Variants in SPSB3 observed in about 807,000 individuals in gnomAD.
SPSB3 encodes the protein SPRY domain-containing SOCS box protein 3.
Under a neutral mutation model 29.5 loss-of-function variants are expected in SPSB3, and 18 were observed. That is an observed-to-expected ratio of 0.61 (90% CI 0.42 to 0.91). SPSB3 has a LOEUF of 0.91. Ranked by LOEUF, SPSB3 falls within the 40% of genes least tolerant of loss-of-function variation. SPSB3 has a pLI of 0.00. For missense variants in SPSB3, 540 were observed against 507.5 expected, an observed-to-expected ratio of 1.06 and a Z score of -0.61; for synonymous variants, 299 against 214.1, an observed-to-expected ratio of 1.40 and a Z score of -3.46.
Position 1,777,668 on chromosome 16 carries a change from T to A in SPSB3, c.721+79A>T. The A allele has an allele frequency of 2.5e-6, 4 of 1,575,382 alleles. No homozygotes were observed. In the South Asian group the frequency reaches 4.6e-5, roughly 18 times the overall value. On this transcript the variant is annotated intron_variant, in intron 6 of 6. Transcript: ENST00000566339. ...GAGGAACCCTTTCAGAAAACCTCAG[T>A]GTCCCCTGGGCTGGGGCGGGGTGGC...
Position 1,777,427 on chromosome 16 carries a change from C to G in SPSB3, c.738G>C (p.Lys246Asn). ...TCGGGTAGAATCTCTTGTTCTGCAG[C>G]TTGGTGGCTGCCACACCTGGAAGGG... is the stretch of plus-strand genomic sequence containing the variant. ...NRKCIGVAATKLQNKRFYPMV... is the reference protein window; with the variant it reads ...NRKCIGVAATNLQNKRFYPMV... Residue 246 changes from lysine to asparagine, a missense_variant, in exon 7 of 7, where the codon AAG becomes AAC. Lys to Asn is a moderately conservative substitution (Grantham distance 94). Transcript: ENST00000566339. 3.3e-6 allele frequency: 5 copies of G among 1,531,414 alleles called. No individual in the cohort carries two copies. The highest frequency in any genetic ancestry group is 4.4e-6 in the Non-Finnish European group (5 of 1,141,270). The allele number at this position is 1,531,414 out of a possible 1,614,324, so 94.9% of individuals were successfully genotyped here.
At position 1,778,852 on chromosome 16, in the gene SPSB3, G is replaced by A. The variant is rs188080756; in HGVS notation, c.127-240C>T. ...GGCCCAGCCACAGAGCAGTAGCCAA[G>A]GCTGCCTGGCCTCCAAGTGGTTTCT... On this transcript the variant is annotated intron_variant, in intron 2 of 6. Coordinates refer to ENST00000566339, the MANE Select transcript of SPSB3 (RefSeq NM_080861.4). The A allele has an allele frequency of 8.8e-4, 380 of 433,398 alleles. 6 individuals carry two copies. In the East Asian group the frequency reaches 0.013, roughly 15 times the overall value. The allele number at this position is 433,398 out of a possible 1,614,324, so 26.8% of individuals were successfully genotyped here. A position where few individuals can be genotyped will look rare whatever the true frequency, so the allele number is the denominator to read the frequency against.
chr16:1,778,080 G>C, intron 4 of SPSB3, 32 bp from the exon 5 acceptor site: 2 of 1,613,024 alleles, frequency 1.2e-6, no homozygotes, highest in Non-Finnish European at 1.7e-6. Flanking sequence ...AGGGCGCGGG[G>C]CTGGGCTGCC....
chr16:1,777,613 C>T, intron 6 of SPSB3, 134 bp downstream of exon 6: 1 of 1,456,022 alleles, frequency 6.9e-7, no homozygotes, highest in Non-Finnish European at 9.2e-7. Context: ...CTGTCCCACC[C>T]CCTGGGACCC....
At chr16:1,777,522 A>G (rs1246460630) in intron 6 of SPSB3, 79 bp from the exon 7 acceptor site, 85 of 1,403,070 alleles carry the variant, frequency 6.1e-5, no homozygotes, top group African/African-American at 7.2e-5. Flanking sequence ...ACCTCACGCT[A>G]CAGTCACCCG....
rs762079810 is a variant in SPSB3, at chr16:1,778,123, A to T, written c.492+11T>A. ...GGTTCCCCAGAAGCACCCTGGGCCG[A>T]AGCAACTTACCATGTCGGTGCCGTA... On this transcript the variant is annotated intron_variant, in intron 4 of 6. Transcript: ENST00000566339. 1.9e-5 allele frequency: 30 copies of T among 1,612,664 alleles called. No homozygotes were observed. Among genetic ancestry groups the T allele is most frequent in the Non-Finnish European group, 2.5e-5 (30 of 1,179,768 alleles).
chr16:1,777,614 C>G (rs1019934145), intron 6 of SPSB3, 133 bp downstream of exon 6: 2 of 1,465,292 alleles, frequency 1.4e-6, no homozygotes, highest in Non-Finnish European at 1.8e-6. Flanking sequence ...TGTCCCACCC[C>G]CTGGGACCCT....
In SPSB3 at chr16:1,781,552, G is replaced by C. The variant is rs1896713573; in HGVS notation, c.-12-57C>G. 5.1e-6 allele frequency: 8 copies of C among 1,561,810 alleles called. No individual in the cohort carries two copies. The South Asian group carries it at 7.1e-5, about 14-fold the overall frequency. ...AGACTCACAGCACTCCCAGCCCTGA[G>C]CTTCCAGGCTGGGCCACGGACCCAC... On this transcript the variant is annotated intron_variant, in intron 1 of 6. Transcript: ENST00000566339.
In SPSB3 at chr16:1,777,144, T is replaced by G. The variant is rs556287767; in HGVS notation, c.1021A>C (p.Ser341Arg). 846 of 1,611,762 alleles carry G rather than the reference T, an allele frequency of 5.2e-4. 13 individuals are homozygous for G. In the South Asian group the frequency reaches 8.8e-3, roughly 17 times the overall value. ...CTCTGGCAGGGCCGAGGCTCGCGAC[T>G]GCTGGGGTGGGCGGAGGTCGCTGCC... The part of the protein sequence containing the change: ...PQAATSAHPS[S>R]REPRPCQRKR... Residue 341 changes from serine (S) to arginine (R), a missense_variant, in exon 7 of 7, where the codon AGT becomes CGT. Physicochemically the swap from Ser to Arg is moderately radical, Grantham distance 110. Transcript: ENST00000566339.
Position 1,776,826 on chromosome 16 carries a change from C to G in SPSB3, c.*271G>C, listed in dbSNP as rs2042720079. 1.9e-6 allele frequency: 1 copy of G among 525,228 alleles called. No homozygotes were observed. The highest frequency in any genetic ancestry group is 2.7e-5 in the South Asian group (1 of 37,574). The allele number at this position is 525,228 out of a possible 1,614,324, so 32.5% of individuals were successfully genotyped here. Reference sequence around the variant, plus strand: ...AAAAACCGAGGCCCTGTGGGAACAGCAACGCGGGCTCCAGCCAGGCTCTCG... The same window carrying G: ...AAAAACCGAGGCCCTGTGGGAACAGGAACGCGGGCTCCAGCCAGGCTCTCG... On this transcript the variant is annotated 3_prime_UTR_variant, in exon 7 of 7. Coordinates refer to ENST00000566339, the MANE Select transcript of SPSB3 (RefSeq NM_080861.4).
chr16:1,778,944 G>C (rs1171549389), intron 2 of SPSB3: 2 of 234,254 alleles, frequency 8.5e-6, no homozygotes, highest in Non-Finnish European at 1.6e-5. Flanking sequence ...CACCTTCCCT[G>C]CTAGGCCAGC....
Position 1,777,867 on chromosome 16 carries a change from G to A in SPSB3, c.601C>T (p.Leu201Phe), listed in dbSNP as rs1278598113. ...CTGGTCTTGTCGCCCTTGTGGTGGA[G>A]GAGGCCTGGGGGCAGCCAGGGTCGC... ...DSWGLSYTGL[L>F]HHKGDKTSFS... Residue 201 changes from leucine (L) to phenylalanine (F), a missense_variant, in exon 6 of 7, where the codon CTC becomes TTC. Transcript: ENST00000566339. The A allele has an allele frequency of 1.2e-6, 2 of 1,612,436 alleles. No individual in the cohort carries two copies. The highest frequency in any genetic ancestry group is 2.2e-5 in the East Asian group (1 of 44,870).
In SPSB3 at chr16:1,777,739, G is replaced by T; in HGVS notation, c.721+8C>A. Reference sequence around the variant, plus strand: ...CTGAGAGGAGCTCAAGTCCTGTGACGGCCTCACCTATACACTTCCTGTTCT... The same window carrying T: ...CTGAGAGGAGCTCAAGTCCTGTGACTGCCTCACCTATACACTTCCTGTTCT... On this transcript the variant is annotated splice_region_variant and intron_variant, in intron 6 of 6. Coordinates refer to ENST00000566339, the MANE Select transcript of SPSB3 (RefSeq NM_080861.4). 1.2e-6 allele frequency: 2 copies of T among 1,611,442 alleles called. No homozygotes were observed. Among genetic ancestry groups the T allele is most frequent in the Non-Finnish European group, 1.7e-6 (2 of 1,179,484 alleles).
At chr16:1,781,530 C>G (rs763757525) in intron 1 of SPSB3, 35 bp from the exon 2 acceptor site, 1 of 1,596,640 alleles carries the variant, frequency 6.3e-7, no homozygotes, top group East Asian at 2.2e-5. Flanking sequence ...CAAAGGAAGA[C>G]TCACAGCACT....
chr16:1,781,427 G>A lies in SPSB3; in HGVS notation c.57C>T (p.Arg19=), dbSNP rs769312290. Residue 19 remains arginine (R), a synonymous_variant, in exon 2 of 7, where the codon CGC becomes CGT. Coordinates refer to ENST00000566339, the MANE Select transcript of SPSB3 (RefSeq NM_080861.4). ...CCACGGCCCGGGCATCTGCGTCTCG[G>A]CGGGCTGCACTCAGGACGAAGTGCC... ...RAWHFVLSAA[R]RDADARAVAL... 1 of 1,612,838 alleles carries A rather than the reference G, an allele frequency of 6.2e-7. No homozygotes were observed. The highest frequency in any genetic ancestry group is 8.5e-7 in the Non-Finnish European group (1 of 1,180,018).
chr16:1,779,767 G>C (rs1052377171), intron 2 of SPSB3: 1 of 152,354 alleles, frequency 6.6e-6, no homozygotes, highest in African/African-American at 2.4e-5. Flanking sequence ...TGGTGACACA[G>C]GACAAGCAGC....
At position 1,777,804 on chromosome 16, in the gene SPSB3, C is replaced by T. The variant is rs746457122; in HGVS notation, c.664G>A (p.Val222Met). 21 of 1,612,798 alleles carry T rather than the reference C, an allele frequency of 1.3e-5. No homozygotes were observed. Among genetic ancestry groups the T allele is most frequent in the African/African-American group, 5.3e-5 (4 of 74,910 alleles). ...SRFGQGSIIG[V>M]HLDTWHGTLT... ...GTGCCGTGCCAGGTGTCCAGGTGCA[C>T]GCCAATGATGGAGCCCTGGCCGAAC... The change falls in exon 6 of 7, where the codon GTG becomes ATG. Residue 222 changes from valine to methionine, a missense_variant. Coordinates refer to ENST00000566339, the MANE Select transcript of SPSB3 (RefSeq NM_080861.4).
At chr16:1,780,873 C>T (rs1189213811) in intron 2 of SPSB3, 3 of 329,180 alleles carry the variant, frequency 9.1e-6, no homozygotes, top group Non-Finnish European at 1.8e-5. Context: ...GTTGGGACTA[C>T]AGGCACGTGC....
chr16:1,781,274 C>T lies in SPSB3; in HGVS notation c.126+84G>A, dbSNP rs751778039. The T allele has an allele frequency of 2.5e-6, 4 of 1,610,884 alleles. No individual in the cohort carries two copies. In the African/African-American group the frequency reaches 4.0e-5, roughly 16 times the overall value. ...AAGCATCTTTTTCTCCGACTGATTC[C>T]GTGTTCAGGTAATGTCTGCCTGCCT... is the stretch of plus-strand genomic sequence containing the variant. On this transcript the variant is annotated intron_variant, in intron 2 of 6. Coordinates refer to ENST00000566339, the MANE Select transcript of SPSB3 (RefSeq NM_080861.4).
Sources: allele counts gnomAD v4.1 joint callset, GRCh38; gene constraint gnomAD v4.1.1; transcripts MANE v1.5; gene names NCBI Gene and HGNC (gene_info 2026-07-23, HGNC 2026-07-21).